Variants in FER observed in about 807,000 individuals in gnomAD.
FER encodes FER tyrosine kinase.
FER carries 63 observed loss-of-function variants against 111.0 expected under a neutral mutation model. The ratio of observed to expected loss-of-function variants is 0.57; its 90% confidence interval spans 0.46 to 0.70. FER has a LOEUF of 0.70. Ranked by LOEUF, FER falls within the 30% of genes least tolerant of loss-of-function variation. FER has a pLI of 0.00. For synonymous variants in FER, 327 were observed against 313.9 expected (o/e 1.04, Z -0.44); for missense variants, 914 against 954.0 (o/e 0.96, Z 0.55).
At chr5:108,776,728 T>A (rs980550776) in intron 2 of FER, among the ~76,000 whole-genome samples, 3 of 152,172 alleles carry the variant, frequency 2.0e-5, no homozygotes, top group African/African-American at 4.8e-5. Context: ...AATGGTTTTT[T>A]AAAAAAGTTT....
chr5:108,898,634 T>C (rs1205317518), intron 10 of FER, among the ~76,000 whole-genome samples: 2 of 145,162 alleles, frequency 1.4e-5, no homozygotes, highest in Admixed American at 1.4e-4. Context: ...TTCCTTTCTT[T>C]TTCTTTTTCT....
intron 2 of FER, among the ~76,000 whole-genome samples, chr5:108,793,519 C>CGGGGA (rs1554065854): frequency 1.9e-5 from 2 of 103,156 alleles, no homozygotes; most frequent in African/African-American, 4.4e-5. Context: ...TTTGGCGGGG[C>CGGGGA]GGGGGGGGTG....
At chr5:108,763,408 C>T (rs1477365206) in intron 1 of FER, among the ~76,000 whole-genome samples, 1 of 152,144 alleles carries the variant, frequency 6.6e-6, no homozygotes, top group Non-Finnish European at 1.5e-5. Flanking sequence ...AGGTGTTTAC[C>T]TACACATGCA....
chr5:108,942,472 C>G (rs1043206321), intron 10 of FER, among the ~76,000 whole-genome samples: 3 of 152,020 alleles, frequency 2.0e-5, no homozygotes, highest in Admixed American at 1.3e-4. Flanking sequence ...TCTTAATATG[C>G]AAGCATCAAA....
chr5:109,103,449 A>G (rs1328205532), intron 17 of FER, among the ~76,000 whole-genome samples: 3 of 152,174 alleles, frequency 2.0e-5, no homozygotes, highest in Non-Finnish European at 4.4e-5. Context: ...CAATTATGAC[A>G]ACTATAAAAT....
At chr5:108,963,309 T>A (rs1286888135) in intron 13 of FER, among the ~76,000 whole-genome samples, 1 of 152,154 alleles carries the variant, frequency 6.6e-6, no homozygotes, top group Non-Finnish European at 1.5e-5. Flanking sequence ...GTGCCTGTAA[T>A]CCCAGGACTT....
At chr5:108,991,085 CA>C (rs902551520) in intron 13 of FER, among the ~76,000 whole-genome samples, 11 of 150,958 alleles carry the variant, frequency 7.3e-5, no homozygotes, top group Admixed American at 4.6e-4. Context: ...ATATCTTAAA[CA>C]GGGGTACTTT....
chr5:109,157,366 G>A (rs1428105512), intron 17 of FER, among the ~76,000 whole-genome samples: 2 of 152,106 alleles, frequency 1.3e-5, no homozygotes, highest in African/African-American at 2.4e-5. Flanking sequence ...GGGGGAGGCT[G>A]TAAAATTTCC....
intron 2 of FER, among the ~76,000 whole-genome samples, chr5:108,776,721 G>A (rs1753536093): frequency 6.6e-6 from 1 of 151,882 alleles, no homozygotes; most frequent in Non-Finnish European, 1.5e-5. Context: ...CAATTTTAAT[G>A]GTTTTTTAAA....
At chr5:108,920,144 A>C (rs939669500) in intron 10 of FER, among the ~76,000 whole-genome samples, 2 of 152,124 alleles carry the variant, frequency 1.3e-5, no homozygotes, top group African/African-American at 4.8e-5. Context: ...GCTCAGTATC[A>C]GAAAAAACAA....
intron 3 of FER, among the ~76,000 whole-genome samples, chr5:108,812,757 G>A (rs1003185610): frequency 6.6e-6 from 1 of 151,832 alleles, no homozygotes; most frequent in Non-Finnish European, 1.5e-5. Context: ...GTTGCATTAA[G>A]GTCTATAGTA....
At chr5:109,001,395 T>G (rs1411765025) in intron 13 of FER, among the ~76,000 whole-genome samples, 1 of 152,164 alleles carries the variant, frequency 6.6e-6, no homozygotes, top group African/African-American at 2.4e-5. Flanking sequence ...CATGATTATC[T>G]CAATAGATGC....
chr5:108,836,476 G>A (rs923568380), intron 5 of FER, among the ~76,000 whole-genome samples: 1 of 152,132 alleles, frequency 6.6e-6, no homozygotes, highest in African/African-American at 2.4e-5. Context: ...GTTTAAATGT[G>A]CCTAAACCAC....
Position 109,188,755 on chromosome 5 carries a change from T to TGCAAA in FER, c.*1184_*1188dup, listed in dbSNP as rs1402123613. 3 of 152,188 alleles carry TGCAAA rather than the reference T, an allele frequency of 2.0e-5. No homozygotes were observed. Among genetic ancestry groups the TGCAAA allele is most frequent in the African/African-American group, 7.2e-5 (3 of 41,452 alleles). The allele number at this position is 152,188 out of a possible 1,614,324, so 9.4% of individuals were successfully genotyped here. ...TGGCAACAAAAATTTTGAGAGAAAC[T>TGCAAA]GCAAAGCACAAATCCACAGAAATAA... On this transcript the variant is annotated 3_prime_UTR_variant, in exon 20 of 20. Transcript: ENST00000281092.
intron 2 of FER, among the ~76,000 whole-genome samples, chr5:108,792,115 T>C (rs576010714): frequency 1.3e-5 from 2 of 152,366 alleles, no homozygotes; most frequent in Admixed American, 1.3e-4. Context: ...TCAGAAAGTG[T>C]GAATCTTCCA....
intron 5 of FER, among the ~76,000 whole-genome samples, chr5:108,855,011 A>G (rs191506746): frequency 5.2e-4 from 77 of 147,264 alleles, no homozygotes; most frequent in African/African-American, 1.8e-3. Context: ...GTAGTTTGTG[A>G]GAGAAAGAAG....
chr5:108,846,740 G>A (rs1046612445), intron 5 of FER, among the ~76,000 whole-genome samples: 19 of 151,836 alleles, frequency 1.3e-4, no homozygotes, highest in Non-Finnish European at 2.5e-4. Flanking sequence ...CTGCCACCAC[G>A]CCCGGCTAAT....
chr5:108,876,399 C>G (rs1434465195), intron 8 of FER, among the ~76,000 whole-genome samples: 1 of 152,188 alleles, frequency 6.6e-6, no homozygotes, highest in Non-Finnish European at 1.5e-5. Flanking sequence ...GTGGCACACT[C>G]ATTACTTCAC....
Position 109,180,890 on chromosome 5 carries a change from C to G in FER, c.2192C>G (p.Ala731Gly). The change falls in exon 18 of 20, where the codon GCT becomes GGT. Residue 731 changes from alanine to glycine, a missense_variant. By Grantham distance (60) the Ala-to-Gly change is moderately conservative (BLOSUM62 0). Transcript: ENST00000281092. ...CCCATTAAATGGACAGCACCGGAAG[C>G]TCTTAATTATGGTAAGAATAGACCA... The part of the protein sequence containing the change: ...QIPIKWTAPE[A>G]LNYGRYSSES... 1 of 1,607,152 alleles carries G rather than the reference C, an allele frequency of 6.2e-7. No homozygotes were observed. The highest frequency in any genetic ancestry group is 1.3e-5 in the African/African-American group (1 of 74,488).
Sources: allele counts gnomAD v4.1 joint callset (sites outside exome capture counted in the v4.1 genomes callset), GRCh38; gene constraint gnomAD v4.1.1; transcripts MANE v1.5; gene names NCBI Gene and HGNC (gene_info 2026-07-23, HGNC 2026-07-21).